TPD52L3: variants seen among roughly 807,000 people sequenced by gnomAD.
The protein encoded by TPD52L3 is TPD52 like 3.
TPD52L3 carries 12 observed loss-of-function variants against 8.7 expected under a neutral mutation model. The ratio of observed to expected loss-of-function variants is 1.38; its 90% confidence interval spans 0.89 to 2.24. The LOEUF is 2.24. TPD52L3 is among the 30% of genes most tolerant of loss of function. The probability of loss-of-function intolerance (pLI) is 0.00; values close to 1 mark genes in which losing one functional copy is unlikely to be tolerated. For synonymous variants in TPD52L3, 79 were observed against 66.8 expected (o/e 1.18, Z -0.89); for missense variants, 207 against 158.7 (o/e 1.30, Z -1.64).
At chr9:6,330,738 G>A (rs1422690166) in intron 1 of TPD52L3, 4 of 1,291,452 alleles carry the variant, frequency 3.1e-6, no homozygotes, top group Non-Finnish European at 2.0e-6. Context: ...CAAGAGGTGA[G>A]CCTGCAGCAT....
rs1474883857 is a variant in TPD52L3, at chr9:6,328,657, T to C, written c.62T>C (p.Leu21Pro). 3 of 1,614,094 alleles carry C rather than the reference T, an allele frequency of 1.9e-6. No homozygotes were observed. In the African/African-American group the frequency reaches 4.0e-5, roughly 22 times the overall value. ...TATGAATCCCACTCGACTTCTGAAC[T>C]GGAGGATCTGACAGAGCCCGAGCAA... The part of the protein sequence containing the change: ...GTYESHSTSE[L>P]EDLTEPEQRE... The change falls in exon 1 of 2, where the codon CTG becomes CCG. Residue 21 changes from leucine to proline, a missense_variant. Transcript: ENST00000314556.
chr9:6,330,160 C>G, intron 1 of TPD52L3: 1 of 1,613,914 alleles, frequency 6.2e-7, no homozygotes, highest in Non-Finnish European at 8.5e-7. Flanking sequence ...GCTCTTAACT[C>G]CAAGTCTGCC....
At chr9:6,330,223 G>A (rs561951660) in intron 1 of TPD52L3, 3 of 1,613,862 alleles carry the variant, frequency 1.9e-6, no homozygotes, top group Non-Finnish European at 2.5e-6. Flanking sequence ...ACCCTCTGGA[G>A]AGCTCAAGAC....
At chr9:6,329,633 A>G in intron 1 of TPD52L3, 1 of 1,001,622 alleles carries the variant, frequency 1.0e-6, no homozygotes, top group Non-Finnish European at 1.2e-6. Flanking sequence ...AGTCACCTTG[A>G]AAGCTTCACC....
intron 1 of TPD52L3, chr9:6,329,817 A>C (rs1818111035): frequency 1.8e-6 from 2 of 1,081,672 alleles, no homozygotes. Context: ...GTGTCAGTTT[A>C]GGAAATTATT....
At position 6,329,086 on chromosome 9, in the gene TPD52L3, C is replaced by T. The variant is rs1018338673; in HGVS notation, c.367+124C>T. On this transcript the variant is annotated intron_variant, in intron 1 of 1. Coordinates refer to ENST00000314556, the MANE Select transcript of TPD52L3 (RefSeq NM_001001874.3). ...TTTGGGGTGTGGGGAAGACCCACTC[C>T]AGATTCCGGGGAGTGGGAATGAGCC... The T allele has an allele frequency of 6.4e-6, 10 of 1,555,452 alleles. No homozygotes were observed. The Admixed American group carries it at 1.5e-4, about 23-fold the overall frequency.
intron 1 of TPD52L3, 122 bp downstream of exon 1, chr9:6,329,084 T>G (rs779607173): frequency 3.5e-4 from 547 of 1,557,284 alleles, no homozygotes; most frequent in Non-Finnish European, 4.6e-4. Context: ...GAAGACCCAC[T>G]CCAGATTCCG....
chr9:6,329,164 T>C, intron 1 of TPD52L3: 1 of 1,459,944 alleles, frequency 6.8e-7, no homozygotes, highest in South Asian at 1.5e-5. Flanking sequence ...GGAACCAGAA[T>C]GAGCCCCCTT....
intron 1 of TPD52L3, 53 bp downstream of exon 1, chr9:6,329,015 C>T (rs150262551): frequency 4.3e-6 from 7 of 1,613,364 alleles, no homozygotes; most frequent in South Asian, 1.1e-5. Context: ...GAGCTTGGCC[C>T]TGACTGTCTT....
chr9:6,329,184 G>T (rs1168086360), intron 1 of TPD52L3: 1 of 1,451,544 alleles, frequency 6.9e-7, no homozygotes, highest in Non-Finnish European at 9.1e-7. Flanking sequence ...TGGTAACCTT[G>T]CCTGGTACTA....
chr9:6,331,127 G>C lies in TPD52L3; in HGVS notation c.*108G>C. ...AACAAAAATATCGTGTTTATTCAAA[G>C]CCAATCTGAGACCCTACTCTGTATC... is the stretch of plus-strand genomic sequence containing the variant. On this transcript the variant is annotated 3_prime_UTR_variant, in exon 2 of 2. Transcript: ENST00000314556. 6 of 1,183,080 alleles carry C rather than the reference G, an allele frequency of 5.1e-6. No homozygotes were observed. Among genetic ancestry groups the C allele is most frequent in the Non-Finnish European group, 7.3e-6 (6 of 816,670 alleles). The allele number at this position is 1,183,080 out of a possible 1,614,324, so 73.3% of individuals were successfully genotyped here. A position where few individuals can be genotyped will look rare whatever the true frequency, so the allele number is the denominator to read the frequency against.
At position 6,328,671 on chromosome 9, in the gene TPD52L3, G is replaced by T; in HGVS notation, c.76G>T (p.Glu26Ter). ...HSTSELEDLT[E>*]PEQRELKTKL... ...GACTTCTGAACTGGAGGATCTGACA[G>T]AGCCCGAGCAAAGAGAGCTCAAAAC... The change falls in exon 1 of 2, where the codon GAG (glutamate) becomes TAG (stop). Residue 26 changes from glutamate (E) to a stop codon, truncating the protein, a stop_gained. Transcript: ENST00000314556. LOFTEE classifies it high-confidence loss of function. 1.2e-6 allele frequency: 2 copies of T among 1,614,186 alleles called. No homozygotes were observed. The highest frequency in any genetic ancestry group is 1.7e-6 in the Non-Finnish European group (2 of 1,180,050).
chr9:6,330,436 T>C, intron 1 of TPD52L3: 1 of 1,338,034 alleles, frequency 7.5e-7, no homozygotes, highest in Non-Finnish European at 9.6e-7. Flanking sequence ...TACATTTCAG[T>C]AATCTCTCAC....
At chr9:6,329,242 A>T (rs1328912621) in intron 1 of TPD52L3, 8 of 1,354,992 alleles carry the variant, frequency 5.9e-6, no homozygotes, top group Non-Finnish European at 7.6e-6. Context: ...AACTCTGCCC[A>T]ACAAAAACAA....
At chr9:6,330,791 T>C (rs1287507903) in intron 1 of TPD52L3, 185 bp from the exon 2 acceptor site, 6 of 1,361,726 alleles carry the variant, frequency 4.4e-6, no homozygotes, top group Non-Finnish European at 5.7e-6. Context: ...CTTTGACATA[T>C]TTCAGGAAGG....
chr9:6,330,880 A>G (rs1249988117), intron 1 of TPD52L3, 96 bp from the exon 2 acceptor site: 1 of 1,558,386 alleles, frequency 6.4e-7, no homozygotes, highest in South Asian at 1.2e-5. Flanking sequence ...AATTTCTACA[A>G]CAGTAGTAAG....
Position 6,328,965 on chromosome 9 carries a change from C to T in TPD52L3, c.367+3C>T, listed in dbSNP as rs1053306268. On this transcript the variant is annotated splice_donor_region_variant and intron_variant, in intron 1 of 1. Transcript: ENST00000314556. ...GGCCACATTCAGATCTTTTGAAGGTCTGATGGGGACAATCAAGTCCAAAGT... is the reference window on the plus strand; with the variant it reads ...GGCCACATTCAGATCTTTTGAAGGTTTGATGGGGACAATCAAGTCCAAAGT... 6.2e-7 allele frequency: 1 copy of T among 1,614,052 alleles called. No individual in the cohort carries two copies. Among genetic ancestry groups the T allele is most frequent in the Non-Finnish European group, 8.5e-7 (1 of 1,180,026 alleles).
In TPD52L3 at chr9:6,328,461, T is replaced by G; in HGVS notation, c.-135T>G. Reference sequence around the variant, plus strand: ...CTCCCGCCTGAAATCTGACTCCACCTGCCAAGAGTCTGAGCCTGCAGGCCT... The same window carrying G: ...CTCCCGCCTGAAATCTGACTCCACCGGCCAAGAGTCTGAGCCTGCAGGCCT... On this transcript the variant is annotated 5_prime_UTR_variant, in exon 1 of 2. Transcript: ENST00000314556. 2.8e-6 allele frequency: 3 copies of G among 1,087,596 alleles called. No homozygotes were observed. Among genetic ancestry groups the G allele is most frequent in the Non-Finnish European group, 4.0e-6 (3 of 758,442 alleles). 67.4% of individuals were successfully genotyped at this position (1,087,596 alleles called of 1,614,324 possible). A position where few individuals can be genotyped will look rare whatever the true frequency, so the allele number is the denominator to read the frequency against.
intron 1 of TPD52L3, chr9:6,330,428 C>T: frequency 7.4e-7 from 1 of 1,348,092 alleles, no homozygotes; most frequent in Non-Finnish European, 9.5e-7. Flanking sequence ...CTTATGGGTA[C>T]ATTTCAGTAA....
Sources: allele counts gnomAD v4.1 joint callset, GRCh38; gene constraint gnomAD v4.1.1; transcripts MANE v1.5; gene names NCBI Gene and HGNC (gene_info 2026-07-23, HGNC 2026-07-21).